The following IGF2BP3 variants were observed in gnomAD, a reference collection of about 807,000 sequenced individuals.
IGF2BP3 encodes insulin like growth factor 2 mRNA binding protein 3.
A neutral mutation model predicts 73.8 loss-of-function variants in IGF2BP3; 9 were observed. That is an observed-to-expected ratio of 0.12 (90% CI 0.07 to 0.21). The LOEUF is 0.21. Among genes scored for constraint, IGF2BP3 ranks in the 10% least tolerant of loss-of-function variants. The probability of loss-of-function intolerance (pLI) is 1.00; values close to 1 mark genes in which losing one functional copy is unlikely to be tolerated. For synonymous variants in IGF2BP3, 258 were observed against 256.7 expected (o/e 1.01, Z -0.05); for missense variants, 542 against 714.0 (o/e 0.76, Z 2.75).
At chr7:23,424,950 A>C (rs540665788) in intron 2 of IGF2BP3, among the ~76,000 whole-genome samples, 2 of 152,318 alleles carry the variant, frequency 1.3e-5, no homozygotes, top group South Asian at 4.1e-4. Context: ...TGTTTATTCT[A>C]TACCCACACC....
chr7:23,327,701 G>GT (rs1481050625), intron 10 of IGF2BP3, among the ~76,000 whole-genome samples: 1 of 152,148 alleles, frequency 6.6e-6, no homozygotes, highest in Admixed American at 6.5e-5. Context: ...AAAGAAAACA[G>GT]TAACACTGGG....
rs192837823 is a variant in IGF2BP3 at position 23,429,849 on chromosome 7, G to A, written c.237-11025C>T. Among the ~76,000 whole-genome samples, 261 of 152,278 alleles carry A rather than the reference G, an allele frequency of 1.7e-3. 1 individual carries two copies. The highest frequency in any genetic ancestry group is 3.1e-3 in the Non-Finnish European group (213 of 68,014). On this transcript the variant is annotated intron_variant, in intron 2 of 14. Coordinates refer to ENST00000258729, the MANE Select transcript of IGF2BP3 (RefSeq NM_006547.3). ...AAGTCCCAATGCAAGACACAAAACTGTATTAGACCTGCAACCTTTCATCCA... is the reference window on the plus strand; with the variant it reads ...AAGTCCCAATGCAAGACACAAAACTATATTAGACCTGCAACCTTTCATCCA...
intron 2 of IGF2BP3, among the ~76,000 whole-genome samples, chr7:23,460,009 G>A (rs1445394608): frequency 2.0e-5 from 3 of 150,100 alleles, no homozygotes; most frequent in African/African-American, 4.9e-5. Context: ...TGGGAGGACC[G>A]CTTGAGCCAA....
chr7:23,375,810 A>G lies in IGF2BP3; in HGVS notation c.286-14069T>C, dbSNP rs7781868. ...TAAGAATAAAAGCAACTGGAGGAGG[A>G]GAAGAGGTAGATTCCAAAGTCAATA... On this transcript the variant is annotated intron_variant, in intron 3 of 14. Coordinates refer to ENST00000258729, the MANE Select transcript of IGF2BP3 (RefSeq NM_006547.3). Among the ~76,000 whole-genome samples, 884 of 152,300 alleles carry G rather than the reference A, an allele frequency of 5.8e-3. 8 individuals are homozygous for G. Among genetic ancestry groups the G allele is most frequent in the African/African-American group, 0.019 (802 of 41,568 alleles).
chr7:23,418,265 C>G (rs1157631851), intron 3 of IGF2BP3, among the ~76,000 whole-genome samples: 2 of 152,136 alleles, frequency 1.3e-5, no homozygotes, highest in Admixed American at 1.3e-4. Context: ...AGATTCTCAC[C>G]ATGACATCAT....
intron 3 of IGF2BP3, among the ~76,000 whole-genome samples, chr7:23,386,215 T>C (rs1038495229): frequency 5.3e-5 from 8 of 152,170 alleles, no homozygotes; most frequent in Middle Eastern, 3.2e-3. Flanking sequence ...ATGTGAAATA[T>C]TGGCCAGGCG....
chr7:23,313,835 T>C (rs1783899672), intron 12 of IGF2BP3, among the ~76,000 whole-genome samples, 182 bp from the exon 13 acceptor site: 1 of 152,232 alleles, frequency 6.6e-6, no homozygotes, highest in Admixed American at 6.5e-5. Flanking sequence ...TGACAATAAC[T>C]ACTGCCCATC....
At chr7:23,415,059 C>A (rs1300573588) in intron 3 of IGF2BP3, 4 of 209,804 alleles carry the variant, frequency 1.9e-5, no homozygotes, top group African/African-American at 7.2e-5. Flanking sequence ...TCACCCCACC[C>A]GCAGGTCCCC....
chr7:23,312,055 G>A lies in IGF2BP3; in HGVS notation c.*307C>T. On this transcript the variant is annotated 3_prime_UTR_variant, in exon 15 of 15. Transcript: ENST00000258729. ...TATGGGGGAATATTAAGAAGAATTA[G>A]AATATCTGTTATACTGTGAGACTAC... 3.6e-6 allele frequency: 1 copy of A among 279,078 alleles called. No individual in the cohort carries two copies. Among genetic ancestry groups the A allele is most frequent in the Non-Finnish European group, 6.6e-6 (1 of 150,394 alleles). The allele number at this position is 279,078 out of a possible 1,614,324, so 17.3% of individuals were successfully genotyped here.
At chr7:23,440,669 T>C (rs1584047237) in intron 2 of IGF2BP3, among the ~76,000 whole-genome samples, 2 of 152,302 alleles carry the variant, frequency 1.3e-5, no homozygotes, top group African/African-American at 2.4e-5. Flanking sequence ...ACATACTGTC[T>C]ATTGGGGGAG....
At chr7:23,436,614 A>G (rs1255423947) in intron 2 of IGF2BP3, among the ~76,000 whole-genome samples, 3 of 152,326 alleles carry the variant, frequency 2.0e-5, no homozygotes, top group Admixed American at 6.5e-5. Flanking sequence ...AGAGAAAAAT[A>G]TAATTTAACT....
At chr7:23,389,178 T>C (rs1174261022) in intron 3 of IGF2BP3, among the ~76,000 whole-genome samples, 1 of 149,124 alleles carries the variant, frequency 6.7e-6, no homozygotes, top group Non-Finnish European at 1.5e-5. Context: ...TTTTTTTAAT[T>C]GAGACAGAGT....
chr7:23,351,681 C>T (rs1171910394), intron 5 of IGF2BP3, 95 bp from the exon 6 acceptor site: 2 of 1,350,122 alleles, frequency 1.5e-6, no homozygotes, highest in African/African-American at 2.9e-5. Context: ...CTCAGCATTA[C>T]TAGCTCTAAA....
At chr7:23,394,728 C>G (rs1786394311) in intron 3 of IGF2BP3, 1 of 152,164 alleles carries the variant, frequency 6.6e-6, no homozygotes, top group South Asian at 2.1e-4. Flanking sequence ...GTCCTGTTTT[C>G]AAACATTAAT....
At chr7:23,316,479 T>C (rs1783991179) in intron 12 of IGF2BP3, among the ~76,000 whole-genome samples, 1 of 151,928 alleles carries the variant, frequency 6.6e-6, no homozygotes, top group Non-Finnish European at 1.5e-5. Flanking sequence ...GTCAGGAGTT[T>C]GAGTGTGTGG....
intron 2 of IGF2BP3, among the ~76,000 whole-genome samples, chr7:23,451,268 A>C (rs1353127338): frequency 6.6e-6 from 1 of 151,894 alleles, no homozygotes; most frequent in Non-Finnish European, 1.5e-5. Context: ...AAATACAAAA[A>C]CTAGTCAGGT....
At position 23,361,754 on chromosome 7, in the gene IGF2BP3, G is replaced by T. The variant is rs765950987; in HGVS notation, c.286-13C>A. The T allele has an allele frequency of 1.3e-6, 2 of 1,594,282 alleles. No individual in the cohort carries two copies. The highest frequency in any genetic ancestry group is 1.1e-5 in the South Asian group (1 of 87,218). ...AACTATCCAGCACCTATCAGGAGGGGGAGAGAAAATTATAAATTTTGAGTT... is the reference window on the plus strand; with the variant it reads ...AACTATCCAGCACCTATCAGGAGGGTGAGAGAAAATTATAAATTTTGAGTT... On this transcript the variant is annotated splice_polypyrimidine_tract_variant and intron_variant, in intron 3 of 14. Transcript: ENST00000258729.
At chr7:23,434,465 A>C (rs887931442) in intron 2 of IGF2BP3, among the ~76,000 whole-genome samples, 1 of 152,190 alleles carries the variant, frequency 6.6e-6, no homozygotes, top group Non-Finnish European at 1.5e-5. Context: ...TTCCATTTTT[A>C]ATGTTTTCTA....
rs73285932 is a variant in IGF2BP3 at position 23,454,078 on chromosome 7, T to A, written c.236+14404A>T. 8.2e-3 allele frequency among the ~76,000 whole-genome samples: 1,256 copies of A among 152,306 alleles called. 12 individuals carry two copies. Among genetic ancestry groups the A allele is most frequent in the African/African-American group, 0.028 (1,174 of 41,568 alleles). ...CCTGAGCTCAAGCGATTCATCCAAGTGCTGGGATTACAGGCATGAACCACC... is the reference window on the plus strand; with the variant it reads ...CCTGAGCTCAAGCGATTCATCCAAGAGCTGGGATTACAGGCATGAACCACC... On this transcript the variant is annotated intron_variant, in intron 2 of 14. Coordinates refer to ENST00000258729, the MANE Select transcript of IGF2BP3 (RefSeq NM_006547.3).
Sources: allele counts gnomAD v4.1 joint callset (sites outside exome capture counted in the v4.1 genomes callset), GRCh38; gene constraint gnomAD v4.1.1; transcripts MANE v1.5; gene names NCBI Gene and HGNC (gene_info 2026-07-23, HGNC 2026-07-21).